CORO7: variants seen among roughly 807,000 people sequenced by gnomAD.
The protein encoded by CORO7 is coronin-7.
CORO7 carries 107 observed loss-of-function variants against 126.6 expected under a neutral mutation model. That is an observed-to-expected ratio of 0.85 (90% CI 0.72 to 0.99). CORO7 has a LOEUF of 0.99. CORO7 is among the 50% of genes least tolerant of loss of function. The pLI is 0.00. For missense variants in CORO7, 1,314 were observed against 1,255.8 expected (o/e 1.05, Z -0.70); for synonymous variants, 603 against 536.8 (o/e 1.12, Z -1.70).
intron 6 of CORO7, among the ~76,000 whole-genome samples, chr16:4,400,031 T>C (rs2055743232): frequency 6.6e-6 from 1 of 152,064 alleles, no homozygotes; most frequent in African/African-American, 2.4e-5. Context: ...AAAAGATCAG[T>C]GCTTGGCAGT....
chr16:4,396,775 C>T (rs528002554), intron 6 of CORO7, among the ~76,000 whole-genome samples: 2 of 151,838 alleles, frequency 1.3e-5, no homozygotes, highest in South Asian at 4.2e-4. Flanking sequence ...CAGCACTTTG[C>T]GAGGCTGAGG....
Position 4,360,454 on chromosome 16 carries a change from T to G in CORO7, c.2012A>C (p.Glu671Ala). 6.2e-7 allele frequency: 1 copy of G among 1,612,548 alleles called. No individual in the cohort carries two copies. The highest frequency in any genetic ancestry group is 8.5e-7 in the Non-Finnish European group (1 of 1,179,742). Residue 671 changes from glutamate to alanine, a missense_variant, in exon 20 of 28, where the codon GAG (glutamate) becomes GCG (alanine). Physicochemically the swap from Glu to Ala is moderately radical, Grantham distance 107 (BLOSUM62 -1). Transcript: ENST00000251166. ...VRVYRPRSGP[E>A]PLQEGPGPKG... The stretch of plus-strand genomic sequence containing the variant: ...CCCCTGTGTGCTCACCTGCAGGGGC[T>G]CAGGGCCACTCCGGGGCCTGTAGAC...
chr16:4,371,731 T>C (rs2054531267), intron 9 of CORO7: 2 of 151,862 alleles, frequency 1.3e-5, no homozygotes, highest in Admixed American at 1.3e-4. Context: ...AGCCCCTCGG[T>C]GGGGAAGGGG....
intron 4 of CORO7, 66 bp downstream of exon 4, chr16:4,408,115 G>A (rs1428216003): frequency 6.2e-7 from 1 of 1,610,248 alleles, no homozygotes; most frequent in African/African-American, 1.3e-5. Flanking sequence ...GGATGGCGCT[G>A]GGGCTCAGAA....
chr16:4,381,359 G>A (rs35713275), intron 9 of CORO7: 86,672 of 1,597,808 alleles, frequency 0.054, 2,671 homozygotes, highest in Non-Finnish European at 0.064. Context: ...AACGAGCTGC[G>A]GGCACTGCCC....
At chr16:4,357,910 C>T (rs1288078228) in intron 25 of CORO7, 58 bp downstream of exon 25, 1 of 1,554,788 alleles carries the variant, frequency 6.4e-7, no homozygotes, top group African/African-American at 1.4e-5. Flanking sequence ...CCTGGGCCTT[C>T]TGTCCCTTTC....
At chr16:4,357,437 A>C in intron 25 of CORO7, 178 bp from the exon 26 acceptor site, 1 of 610,592 alleles carries the variant, frequency 1.6e-6, no homozygotes, top group Non-Finnish European at 2.6e-6. Context: ...GGCTGACTGC[A>C]ACCTCCGCCT....
At chr16:4,385,312 C>T (rs1315325423) in intron 9 of CORO7, among the ~76,000 whole-genome samples, 2 of 152,140 alleles carry the variant, frequency 1.3e-5, no homozygotes, top group African/African-American at 4.8e-5. Context: ...GACAGGACCC[C>T]AGCACCTGCT....
At chr16:4,402,236 C>G (rs921738231) in intron 6 of CORO7, among the ~76,000 whole-genome samples, 5 of 145,628 alleles carry the variant, frequency 3.4e-5, no homozygotes, top group African/African-American at 1.3e-4. Context: ...CTGCACCCGG[C>G]CAGTTTTGTT....
chr16:4,403,901 C>A (rs1428837869), intron 6 of CORO7, among the ~76,000 whole-genome samples: 1 of 152,254 alleles, frequency 6.6e-6, no homozygotes, highest in African/African-American at 2.4e-5. Context: ...AGGGCTCATC[C>A]CTCAAGGACC....
chr16:4,411,533 C>G (rs978093025), intron 3 of CORO7, among the ~76,000 whole-genome samples: 1 of 152,132 alleles, frequency 6.6e-6, no homozygotes, highest in Admixed American at 6.6e-5. Flanking sequence ...AAGACCTCGT[C>G]TCTATATACT....
intron 17 of CORO7, 37 bp downstream of exon 17, chr16:4,361,324 G>A (rs748930947): frequency 1.2e-6 from 2 of 1,611,276 alleles, no homozygotes; most frequent in Non-Finnish European, 8.5e-7. Context: ...CCGGGACCCA[G>A]GACCCTCCCT....
Position 4,361,236 on chromosome 16 carries a change from G to A in CORO7, c.1700C>T (p.Ala567Val), listed in dbSNP as rs1474447674. Reference protein sequence around the residue: ...PHRLAVAGEDARIRLWRVPAE... With the variant: ...PHRLAVAGEDVRIRLWRVPAE... ...GGGTACCCGCCACAGTCGGATCCTGGCGTCCTCACCAGCTGCAGAGGACAG... is the reference window on the plus strand; with the variant it reads ...GGGTACCCGCCACAGTCGGATCCTGACGTCCTCACCAGCTGCAGAGGACAG... The change falls in exon 18 of 28, where the codon GCC becomes GTC. Residue 567 changes from alanine (A) to valine (V), a missense_variant. Ala to Val is a moderately conservative substitution (Grantham distance 64, BLOSUM62 0). Transcript: ENST00000251166. 2 of 1,612,678 alleles carry A rather than the reference G, an allele frequency of 1.2e-6. No homozygotes were observed. Among genetic ancestry groups the A allele is most frequent in the African/African-American group, 2.7e-5 (2 of 75,048 alleles).
At position 4,364,577 on chromosome 16, in the gene CORO7, T is replaced by A; in HGVS notation, c.1137+20A>T. ...AGGGACTCGGGGAGGCTGGGAGAGGTGAGCCAGCCCTGGTCCTACCTGCTG... is the reference window on the plus strand; with the variant it reads ...AGGGACTCGGGGAGGCTGGGAGAGGAGAGCCAGCCCTGGTCCTACCTGCTG... On this transcript the variant is annotated intron_variant, in intron 13 of 27. Coordinates refer to ENST00000251166, the MANE Select transcript of CORO7 (RefSeq NM_024535.5). 1 of 1,546,662 alleles carries A rather than the reference T, an allele frequency of 6.5e-7. No homozygotes were observed. Among genetic ancestry groups the A allele is most frequent in the Non-Finnish European group, 8.7e-7 (1 of 1,145,622 alleles).
In CORO7 at chr16:4,376,141, C is replaced by T. The variant is rs546096065; in HGVS notation, c.786-10596G>A. 3.9e-5 allele frequency among the ~76,000 whole-genome samples: 6 copies of T among 152,300 alleles called. No individual in the cohort carries two copies. The East Asian group carries it at 5.8e-4, about 15-fold the overall frequency. Reference sequence around the variant, plus strand: ...AGTCCCTGAGGAACTCGAGGCCCAGCCCTCTCTGCCCCTTCTGTGAGGGCC... The same window carrying T: ...AGTCCCTGAGGAACTCGAGGCCCAGTCCTCTCTGCCCCTTCTGTGAGGGCC... On this transcript the variant is annotated intron_variant, in intron 9 of 27. Coordinates refer to ENST00000251166, the MANE Select transcript of CORO7 (RefSeq NM_024535.5).
At chr16:4,394,107 C>CA (rs1217167753) in intron 7 of CORO7, among the ~76,000 whole-genome samples, 1 of 151,382 alleles carries the variant, frequency 6.6e-6, no homozygotes. Context: ...TCTCCCCACC[C>CA]AAAAAAAGAA....
intron 2 of CORO7, chr16:4,412,765 C>T (rs2056262197): frequency 1.1e-5 from 4 of 353,166 alleles, no homozygotes; most frequent in Non-Finnish European, 2.1e-5. Context: ...AAGAAGCCAA[C>T]ACCCAAGGTG....
At chr16:4,358,235 TCAG>T in intron 24 of CORO7, 129 bp downstream of exon 24, 1 of 1,529,806 alleles carries the variant, frequency 6.5e-7, no homozygotes, top group South Asian at 1.2e-5. Context: ...TTTCAGCATC[TCAG>T]CAGAAGGGGG....
rs2054204563 is a variant in CORO7 at position 4,362,222 on chromosome 16, C to CT, written c.1403-63dup. ...ATGCCGTCCCCGCCCGCCCTGCACT[C>CT]TTTGAGTCCCGGCTGCCCACTCCCC... On this transcript the variant is annotated intron_variant, in intron 15 of 27. Coordinates refer to ENST00000251166, the MANE Select transcript of CORO7 (RefSeq NM_024535.5). The surrounding 1 kb of genome is among the most constrained non-coding windows in gnomAD (Gnocchi z 5.3). 1.3e-6 allele frequency: 2 copies of CT among 1,540,224 alleles called. No individual in the cohort carries two copies. The highest frequency in any genetic ancestry group is 2.3e-5 in the East Asian group (1 of 43,664).
Sources: gnomAD v4.1 joint callset for allele counts (sites outside exome capture counted in the v4.1 genomes callset) on GRCh38, gnomAD v4.1.1 for gene constraint, Gnocchi (gnomAD v3.1) non-coding constraint, MANE v1.5 for transcripts, NCBI Gene and HGNC (gene_info 2026-07-23, HGNC 2026-07-21) for gene names.